TNRC6A: variants seen among roughly 807,000 people sequenced by gnomAD.
The protein encoded by TNRC6A is trinucleotide repeat-containing gene 6A protein.
TNRC6A carries 44 observed loss-of-function variants against 221.2 expected under a neutral mutation model. The ratio of observed to expected loss-of-function variants is 0.20; its 90% confidence interval spans 0.16 to 0.26. The LOEUF (loss-of-function observed/expected upper bound fraction) is 0.26. Ranked by LOEUF, TNRC6A falls within the 10% of genes least tolerant of loss-of-function variation. TNRC6A has a pLI of 1.00. For synonymous variants in TNRC6A, 847 were observed against 838.5 expected (o/e 1.01, Z -0.18); for missense variants, 2,199 against 2,404.4 (o/e 0.91, Z 1.79).
intron 4 of TNRC6A, among the ~76,000 whole-genome samples, chr16:24,775,773 T>C (rs1024402556): frequency 1.3e-5 from 2 of 152,140 alleles, no homozygotes; most frequent in Admixed American, 1.3e-4. Flanking sequence ...GGGTGGGAGC[T>C]CTTAACCCTT....
intron 2 of TNRC6A, chr16:24,664,103 G>A (rs1364762573): frequency 4.9e-5 from 17 of 345,702 alleles, no homozygotes; most frequent in African/African-American, 2.6e-4. Flanking sequence ...AAGCAGAGGC[G>A]GGTGGATCAC....
intron 2 of TNRC6A, among the ~76,000 whole-genome samples, chr16:24,711,790 C>CT (rs1567378632): frequency 6.6e-6 from 1 of 151,894 alleles, no homozygotes; most frequent in Middle Eastern, 3.4e-3. Context: ...TTCTGTTTTC[C>CT]TTTTTTTGTT....
At chr16:24,809,647 C>A in intron 18 of TNRC6A, 166 bp downstream of exon 18, 1 of 784,664 alleles carries the variant, frequency 1.3e-6, no homozygotes, top group Non-Finnish European at 1.8e-6. Flanking sequence ...CAATAAGAGA[C>A]TTTCAGATGA....
intron 1 of TNRC6A, among the ~76,000 whole-genome samples, chr16:24,632,647 TA>T (rs1175729171): frequency 6.6e-6 from 1 of 152,144 alleles, no homozygotes; most frequent in Non-Finnish European, 1.5e-5. Context: ...CAGAGTCTTC[TA>T]AAATCATAAA....
intron 2 of TNRC6A, among the ~76,000 whole-genome samples, chr16:24,674,379 T>C (rs2055365522): frequency 6.6e-6 from 1 of 152,236 alleles, no homozygotes; most frequent in African/African-American, 2.4e-5. Flanking sequence ...CACTCCAGCC[T>C]GGGTGACAGA....
At chr16:24,813,352 T>C (rs1383574481) in intron 18 of TNRC6A, among the ~76,000 whole-genome samples, 1 of 152,182 alleles carries the variant, frequency 6.6e-6, no homozygotes, top group Non-Finnish European at 1.5e-5. Context: ...TCCCCACTTG[T>C]GGAGTCCCAA....
rs71156440 is a variant in TNRC6A at position 24,812,019 on chromosome 16, A to ATTT, written c.4672+2583_4672+2585dup. 9.8e-5 allele frequency among the ~76,000 whole-genome samples: 4 copies of ATTT among 40,852 alleles called. 1 individual carries two copies. The highest frequency in any genetic ancestry group is 1.3e-4 in the Non-Finnish European group (3 of 23,658). 26.8% of individuals were successfully genotyped at this position (40,852 alleles called of 152,430 possible). A position where few individuals can be genotyped will look rare whatever the true frequency, so the allele number is the denominator to read the frequency against. On this transcript the variant is annotated intron_variant, in intron 18 of 24. Coordinates refer to ENST00000395799, the MANE Select transcript of TNRC6A (RefSeq NM_014494.4). ...CCGTTCAGGGGAATGTCACTTTGGG[A>ATTT]TTTTTTTTTTTTTTTTTTTTTTTTT...
rs187324700 is a variant in TNRC6A, at chr16:24,762,757, G to A, written c.163+4397G>A. Among the ~76,000 whole-genome samples the A allele has an allele frequency of 1.8e-3, 274 of 152,296 alleles. 5 individuals are homozygous for A. The highest frequency in any genetic ancestry group is 0.016 in the Admixed American group (249 of 15,284). ...AACTTGCCCAGGTTATGCAGCTAAC[G>A]AATGCCTGAGCCAGAATTTGACTAC... On this transcript the variant is annotated intron_variant, in intron 4 of 24. Coordinates refer to ENST00000395799, the MANE Select transcript of TNRC6A (RefSeq NM_014494.4).
Position 24,789,423 on chromosome 16 carries a change from A to G in TNRC6A, c.781A>G (p.Ser261Gly). The change falls in exon 6 of 25, where the codon AGT becomes GGT. Residue 261 changes from serine to glycine, a missense_variant. Around this residue, in one of 8 missense-constraint regions of TNRC6A, gnomAD observed 1,405 missense variants for 1,400.2 expected, o/e 1.00. Transcript: ENST00000395799. ...SECMDADSASSSESERNITIM... is the reference protein window; with the variant it reads ...SECMDADSASGSESERNITIM... ...ATGTATGGATGCTGATTCTGCCTCCAGTTCTGAATCAGAGAGAAACATCAC... is the reference window on the plus strand; with the variant it reads ...ATGTATGGATGCTGATTCTGCCTCCGGTTCTGAATCAGAGAGAAACATCAC... 6.2e-7 allele frequency: 1 copy of G among 1,614,192 alleles called. No homozygotes were observed. Among genetic ancestry groups the G allele is most frequent in the Non-Finnish European group, 8.5e-7 (1 of 1,180,032 alleles).
chr16:24,730,499 A>T (rs1340161878), intron 2 of TNRC6A, among the ~76,000 whole-genome samples, 199 bp downstream of exon 2: 1 of 150,160 alleles, frequency 6.7e-6, no homozygotes, highest in African/African-American at 2.4e-5. Context: ...CTTTCTTTAA[A>T]AAAAAAAAAA....
At chr16:24,687,843 G>GGAAGAAGAAGAAGAAGACGAAGAAGAA (rs2055661851) in intron 2 of TNRC6A, among the ~76,000 whole-genome samples, 1 of 101,856 alleles carries the variant, frequency 9.8e-6, no homozygotes, top group Non-Finnish European at 2.0e-5. Context: ...AAGAGGAAGA[G>GGAAGAAGAAGAAGAAGACGAAGAAGAA]GAAGAAGAAG....
intron 1 of TNRC6A, among the ~76,000 whole-genome samples, chr16:24,623,186 T>C (rs151210173): frequency 1.3e-3 from 166 of 129,006 alleles, no homozygotes; most frequent in African/African-American, 4.9e-3. Flanking sequence ...TATTTATTTA[T>C]TTATTTACTT....
At chr16:24,727,739 G>A (rs998503286), upstream of TNRC6A, among the ~76,000 whole-genome samples, 7 of 152,092 alleles carry the variant, frequency 4.6e-5, no homozygotes, top group East Asian at 1.9e-4. Context: ...GTGCCATTAC[G>A]TATATGTTCA....
upstream of TNRC6A, among the ~76,000 whole-genome samples, chr16:24,728,570 A>G (rs1166481915): frequency 6.6e-6 from 1 of 152,240 alleles, no homozygotes; most frequent in Admixed American, 6.5e-5. Flanking sequence ...ATAGATTTTA[A>G]GCACAGAGGA....
At chr16:24,768,358 G>C (rs1596655748) in intron 4 of TNRC6A, among the ~76,000 whole-genome samples, 4 of 151,516 alleles carry the variant, frequency 2.6e-5, no homozygotes, top group African/African-American at 2.4e-5. Flanking sequence ...GCGTGAACCC[G>C]GGAGGTGGAG....
rs566976536 is a variant in TNRC6A at position 24,742,863 on chromosome 16, G to A, written c.54-7863G>A. The stretch of plus-strand genomic sequence containing the variant: ...GGAGAATCACTTGAACCAGGGAGGC[G>A]GAGGTGGCAGTGAGCCGAGATCGAG... On this transcript the variant is annotated intron_variant, in intron 2 of 24. Transcript: ENST00000395799. Among the ~76,000 whole-genome samples, 8 of 152,246 alleles carry A rather than the reference G, an allele frequency of 5.3e-5. No individual in the cohort carries two copies. The South Asian group carries it at 8.3e-4, about 16-fold the overall frequency.
intron 2 of TNRC6A, among the ~76,000 whole-genome samples, chr16:24,718,194 C>T (rs1179586848): frequency 6.6e-6 from 1 of 152,204 alleles, no homozygotes; most frequent in East Asian, 1.9e-4. Context: ...CTCCCAGAAG[C>T]CTTCTCTGCT....
At chr16:24,642,193 G>A (rs1220093129) in intron 2 of TNRC6A, among the ~76,000 whole-genome samples, 1 of 152,168 alleles carries the variant, frequency 6.6e-6, no homozygotes, top group South Asian at 2.1e-4. Flanking sequence ...CAGCAAAGGC[G>A]GTGTGAGGAG....
intron 5 of TNRC6A, among the ~76,000 whole-genome samples, chr16:24,781,827 C>CTT (rs532953420): frequency 1.0e-4 from 15 of 145,020 alleles, no homozygotes; most frequent in Admixed American, 1.4e-4. Context: ...GATTTTAACT[C>CTT]TTTTTTTTTT....
Sources: allele counts gnomAD v4.1 joint callset (sites outside exome capture counted in the v4.1 genomes callset), GRCh38; gene constraint gnomAD v4.1.1; regional missense constraint gnomAD v4.1.1; transcripts MANE v1.5; gene names NCBI Gene and HGNC (gene_info 2026-07-23, HGNC 2026-07-21).